Variants in IQCC observed in about 807,000 individuals in gnomAD.
The protein encoded by IQCC is IQ domain-containing protein C.
In IQCC, 23 loss-of-function variants were observed where a neutral mutation model predicts 27.0. That is an observed-to-expected ratio of 0.85 (90% CI 0.61 to 1.21). The LOEUF (loss-of-function observed/expected upper bound fraction) is 1.21, where lower values mean the gene tolerates loss of function less well. Among genes scored for constraint, IQCC ranks in the 50% most tolerant of loss-of-function variants. The pLI is 0.00. For synonymous variants in IQCC, 220 were observed against 217.2 expected (o/e 1.01, Z -0.11); for missense variants, 552 against 562.3 (o/e 0.98, Z 0.19).
In IQCC at chr1:32,207,252, A is replaced by G. The variant is rs1313811633; in HGVS notation, c.571A>G (p.Lys191Glu). Reference sequence around the variant, plus strand: ...TCTCCCCCAACAGTACCTACTTCTTAAACAAACACTGAGATCCCCAGAGGC... The same window carrying G: ...TCTCCCCCAACAGTACCTACTTCTTGAACAAACACTGAGATCCCCAGAGGC... Reference protein sequence around the residue: ...INSRKEYLLLKQTLRSPEAGP... With the variant: ...INSRKEYLLLEQTLRSPEAGP... Residue 191 changes from lysine to glutamate, a missense_variant, in exon 5 of 5, where the codon AAA becomes GAA. By Grantham distance (56) the Lys-to-Glu change is moderately conservative. Coordinates refer to ENST00000291358, the MANE Select transcript of IQCC (RefSeq NM_018134.3). 10 of 1,613,860 alleles carry G rather than the reference A, an allele frequency of 6.2e-6. No homozygotes were observed. The highest frequency in any genetic ancestry group is 4.0e-5 in the African/African-American group (3 of 74,894).
Position 32,207,495 on chromosome 1 carries a change from A to G in IQCC, c.814A>G (p.Lys272Glu), listed in dbSNP as rs202153287. 7 of 1,613,006 alleles carry G rather than the reference A, an allele frequency of 4.3e-6. No homozygotes were observed. The African/African-American group carries it at 8.0e-5, about 18-fold the overall frequency. The change falls in exon 5 of 5, where the codon AAG (lysine) becomes GAG (glutamate). Residue 272 changes from lysine (K) to glutamate (E), a missense_variant. By Grantham distance (56) the Lys-to-Glu change is moderately conservative (BLOSUM62 1). Transcript: ENST00000291358. ...TACACAAAAAAACATTGCTGGGGCT[A>G]AGTGCAGAGAACCATGCTACAGCAA... ...ATTQKNIAGA[K>E]CREPCYSKSG...
rs753335027 is a variant in IQCC at position 32,206,480 on chromosome 1, G to A, written c.187-29G>A. On this transcript the variant is annotated intron_variant, in intron 2 of 4. Coordinates refer to ENST00000291358, the MANE Select transcript of IQCC (RefSeq NM_018134.3). ...CAGATACTTGGAAGGGTTTAGCCCTGGGGCTCTCACATCTCTCTTGTTTCT... is the reference window on the plus strand; with the variant it reads ...CAGATACTTGGAAGGGTTTAGCCCTAGGGCTCTCACATCTCTCTTGTTTCT... 72 of 1,613,416 alleles carry A rather than the reference G, an allele frequency of 4.5e-5. No individual in the cohort carries two copies. In the Admixed American group the frequency reaches 1.1e-3, roughly 25 times the overall value.
In IQCC at chr1:32,207,040, C is replaced by G. The variant is rs1183435272; in HGVS notation, c.478C>G (p.Leu160Val). The G allele has an allele frequency of 6.2e-7, 1 of 1,613,238 alleles. No homozygotes were observed. Among genetic ancestry groups the G allele is most frequent in the African/African-American group, 1.3e-5 (1 of 74,856 alleles). Residue 160 changes from leucine to valine, a missense_variant, in exon 4 of 5, where the codon CTT becomes GTT. Transcript: ENST00000291358. Reference sequence around the variant, plus strand: ...AAGACTGCCCCACAGCCAACCTCAGCTTCAAGAGCTTCAGTACCACCGCAG... The same window carrying G: ...AAGACTGCCCCACAGCCAACCTCAGGTTCAAGAGCTTCAGTACCACCGCAG... ...DQRLPHSQPQLQELQYHRSHL... is the reference protein window; with the variant it reads ...DQRLPHSQPQVQELQYHRSHL...
chr1:32,205,759 C>T lies in IQCC; in HGVS notation c.42+36C>T, dbSNP rs1322522997. On this transcript the variant is annotated intron_variant, in intron 1 of 4. Coordinates refer to ENST00000291358, the MANE Select transcript of IQCC (RefSeq NM_018134.3). This position sits in a 1 kb window ranked among gnomAD's most constrained non-coding sequence, Gnocchi z 5.6. The stretch of plus-strand genomic sequence containing the variant: ...GGGCGCGGGGTTCACAGGATTTTTC[C>T]TTTAGGGAAATCATGGGGTCTCGTA... The T allele has an allele frequency of 9.3e-6, 15 of 1,609,708 alleles. No individual in the cohort carries two copies. Among genetic ancestry groups the T allele is most frequent in the Non-Finnish European group, 1.2e-5 (14 of 1,178,828 alleles).
Position 32,207,808 on chromosome 1 carries a change from T to C in IQCC, c.1127T>C (p.Leu376Pro). The change falls in exon 5 of 5, where the codon CTC becomes CCC. Residue 376 changes from leucine to proline, a missense_variant. Transcript: ENST00000291358. Reference sequence around the variant, plus strand: ...ACAGTCAGGACACAAGAGTTGGGCCTCTCAGAGGACCACATCATCTGGGAT... The same window carrying C: ...ACAGTCAGGACACAAGAGTTGGGCCCCTCAGAGGACCACATCATCTGGGAT... ...CRTVRTQELGLSEDHIIWDGT... is the reference protein window; with the variant it reads ...CRTVRTQELGPSEDHIIWDGT... The C allele has an allele frequency of 6.2e-7, 1 of 1,613,982 alleles. No homozygotes were observed. Among genetic ancestry groups the C allele is most frequent in the Non-Finnish European group, 8.5e-7 (1 of 1,179,992 alleles).
At position 32,206,120 on chromosome 1, in the gene IQCC, T is replaced by A. The variant is rs1446412555; in HGVS notation, c.43-34T>A. ...CGAGATGCCCCCTCTCTTACCGTGA[T>A]AAGGGACTTCTTTCCTCTCGTTCTC... On this transcript the variant is annotated intron_variant, in intron 1 of 4. Transcript: ENST00000291358. 1.9e-6 allele frequency: 3 copies of A among 1,613,926 alleles called. No homozygotes were observed. The East Asian group carries it at 6.7e-5, about 36-fold the overall frequency.
rs1392201019 is a variant in IQCC, at chr1:32,207,428, C to G, written c.747C>G (p.His249Gln). Residue 249 changes from histidine to glutamine, a missense_variant, in exon 5 of 5, where the codon CAC (histidine) becomes CAG (glutamine). Coordinates refer to ENST00000291358, the MANE Select transcript of IQCC (RefSeq NM_018134.3). ...TAGAACAGGAGGATGACTCCTGTCA[C>G]AGGGTCAAATCACCCCACAGATCCC... The part of the protein sequence containing the change: ...GELEQEDDSC[H>Q]RVKSPHRSPG... 1.9e-6 allele frequency: 3 copies of G among 1,613,864 alleles called. No homozygotes were observed. The South Asian group carries it at 3.3e-5, about 18-fold the overall frequency.
At chr1:32,206,887 G>C (rs1186966139) in intron 3 of IQCC, 115 bp from the exon 4 acceptor site, 20 of 1,417,932 alleles carry the variant, frequency 1.4e-5, no homozygotes. Flanking sequence ...GCCGGGATAG[G>C]GCCACCACAT....
chr1:32,207,907 C>A lies in IQCC; in HGVS notation c.1226C>A (p.Thr409Asn). ...AAACCACCCAAAGGCCAGGCCCCCA[C>A]TGATAGAAGCTCCAGAGATGGAACC... ...RTKPPKGQAPTDRSSRDGTSN... is the reference protein window; with the variant it reads ...RTKPPKGQAPNDRSSRDGTSN... Residue 409 changes from threonine to asparagine, a missense_variant, in exon 5 of 5, where the codon ACT becomes AAT. Thr to Asn is a moderately conservative substitution (Grantham distance 65). Coordinates refer to ENST00000291358, the MANE Select transcript of IQCC (RefSeq NM_018134.3). 1.9e-6 allele frequency: 3 copies of A among 1,614,170 alleles called. No individual in the cohort carries two copies. Among genetic ancestry groups the A allele is most frequent in the Non-Finnish European group, 2.5e-6 (3 of 1,180,020 alleles).
In IQCC at chr1:32,207,126, A is replaced by C; in HGVS notation, c.558+6A>C. On this transcript the variant is annotated splice_donor_region_variant and intron_variant, in intron 4 of 4. Coordinates refer to ENST00000291358, the MANE Select transcript of IQCC (RefSeq NM_018134.3). ...CCATCAATAGCCGTAAGGAGGTAAC[A>C]CTAACCTGGAACTCTTTCTGAACAT... is the stretch of plus-strand genomic sequence containing the variant. 6.2e-7 allele frequency: 1 copy of C among 1,601,604 alleles called. No individual in the cohort carries two copies. The highest frequency in any genetic ancestry group is 8.5e-7 in the Non-Finnish European group (1 of 1,171,826).
In IQCC at chr1:32,205,841, C is replaced by G; in HGVS notation, c.42+118C>G. ...CAGTCCCCTAACTGCGCGCCAACCT[C>G]TGGAGATACCGGCTGTCCCCAACCG... On this transcript the variant is annotated intron_variant, in intron 1 of 4. Transcript: ENST00000291358. This position sits in a 1 kb window ranked among gnomAD's most constrained non-coding sequence, Gnocchi z 5.6. The G allele has an allele frequency of 6.4e-7, 1 of 1,558,114 alleles. No individual in the cohort carries two copies. The highest frequency in any genetic ancestry group is 8.7e-7 in the Non-Finnish European group (1 of 1,150,538).
In IQCC at chr1:32,208,100, G is replaced by A. The variant is rs1286982966; in HGVS notation, c.*18G>A. 6.3e-7 allele frequency: 1 copy of A among 1,576,194 alleles called. No individual in the cohort carries two copies. Among genetic ancestry groups the A allele is most frequent in the Non-Finnish European group, 8.6e-7 (1 of 1,161,488 alleles). ...CTGGCTAGACCCTAGGAAGCCAGGA[G>A]AGGATCAGGTTCCAAAGGGGAATGC... On this transcript the variant is annotated 3_prime_UTR_variant, in exon 5 of 5. Coordinates refer to ENST00000291358, the MANE Select transcript of IQCC (RefSeq NM_018134.3).
intron 2 of IQCC, 55 bp from the exon 3 acceptor site, chr1:32,206,454 C>G: frequency 6.2e-7 from 1 of 1,609,642 alleles, no homozygotes; most frequent in Non-Finnish European, 8.5e-7. Flanking sequence ...ATCATGGTGC[C>G]CAGATACTTG....
chr1:32,205,706 A>T lies in IQCC; in HGVS notation c.25A>T (p.Lys9Ter). The T allele has an allele frequency of 6.2e-7, 1 of 1,609,520 alleles. No individual in the cohort carries two copies. MEPELLVR[K>*]VSALQACVRG... is the part of the protein sequence containing the mutation. The stretch of plus-strand genomic sequence containing the variant: ...CATGGAGCCAGAGCTGCTGGTTCGG[A>T]AGGTGTCTGCATTGCAGGTGCGGGG... The change falls in exon 1 of 5, where the codon AAG becomes TAG. Residue 9 changes from lysine to a stop codon, truncating the protein, a stop_gained. Coordinates refer to ENST00000291358, the MANE Select transcript of IQCC (RefSeq NM_018134.3). LOFTEE classifies it high-confidence loss of function. This position sits in a 1 kb window ranked among gnomAD's most constrained non-coding sequence, Gnocchi z 5.6.
chr1:32,206,022 A>G (rs1643320911), intron 1 of IQCC, 132 bp from the exon 2 acceptor site: 2 of 1,597,438 alleles, frequency 1.3e-6, no homozygotes, highest in South Asian at 2.2e-5. Flanking sequence ...CCTAGCGCAC[A>G]GCCCACCTAT....
In IQCC at chr1:32,205,967, A is replaced by C. The variant is rs1056062323; in HGVS notation, c.43-187A>C. On this transcript the variant is annotated intron_variant, in intron 1 of 4. Transcript: ENST00000291358. The surrounding 1 kb of genome is among the most constrained non-coding windows in gnomAD (Gnocchi z 5.6). ...GGGAAACGGGAAGAGCCTTAAGGCG[A>C]GGAGGGGCATCCAGTCTGGCATCGT... 6.4e-7 allele frequency: 1 copy of C among 1,555,282 alleles called. No individual in the cohort carries two copies. The highest frequency in any genetic ancestry group is 1.2e-5 in the South Asian group (1 of 85,364).
rs1643420833 is a variant in IQCC at position 32,207,848 on chromosome 1, GC to G, written c.1169del (p.Pro390GlnfsTer80). On this transcript the variant is annotated frameshift_variant, in exon 5 of 5. Transcript: ENST00000291358. LOFTEE classifies it low-confidence loss of function (END_TRUNC). ...HIIWDGTLGG[P>X]EHSVLDLWRT... The stretch of plus-strand genomic sequence containing the variant: ...TCATCTGGGATGGTACCTTGGGGGG[GC>G]CAGAGCATAGTGTCCTCGATCTCTG... 6.2e-7 allele frequency: 1 copy of G among 1,613,968 alleles called. No individual in the cohort carries two copies. The highest frequency in any genetic ancestry group is 1.3e-5 in the African/African-American group (1 of 74,900).
Position 32,207,856 on chromosome 1 carries a change from A to T in IQCC, c.1175A>T (p.His392Leu), listed in dbSNP as rs772725001. 8.1e-6 allele frequency: 13 copies of T among 1,614,004 alleles called. No homozygotes were observed. The highest frequency in any genetic ancestry group is 1.1e-5 in the Non-Finnish European group (13 of 1,180,012). ...IWDGTLGGPE[H>L]SVLDLWRTKP... ...GATGGTACCTTGGGGGGGCCAGAGC[A>T]TAGTGTCCTCGATCTCTGGAGGACT... is the stretch of plus-strand genomic sequence containing the variant. Residue 392 changes from histidine (H) to leucine (L), a missense_variant, in exon 5 of 5, where the codon CAT becomes CTT. Coordinates refer to ENST00000291358, the MANE Select transcript of IQCC (RefSeq NM_018134.3).
At chr1:32,207,196 C>T in intron 4 of IQCC, 44 bp from the exon 5 acceptor site, 1 of 1,606,104 alleles carries the variant, frequency 6.2e-7, no homozygotes, top group Non-Finnish European at 8.5e-7. Context: ...CTGCCATGCC[C>T]AAGCAGGCCT....
Sources: allele counts gnomAD v4.1 joint callset, GRCh38; gene constraint gnomAD v4.1.1; non-coding constraint Gnocchi (gnomAD v3.1); transcripts MANE v1.5; gene names NCBI Gene and HGNC (gene_info 2026-07-23, HGNC 2026-07-21).